Variants in ATXN7 observed in about 807,000 individuals in gnomAD.
The protein encoded by ATXN7 is ataxin 7.
Under a neutral mutation model 70.5 loss-of-function variants are expected in ATXN7, and 12 were observed. The ratio of observed to expected loss-of-function variants is 0.17; its 90% CI spans 0.11 to 0.28. The LOEUF is 0.28. ATXN7 is among the 10% of genes least tolerant of loss of function. ATXN7 has a pLI of 1.00. For synonymous variants in ATXN7, 498 were observed against 448.7 expected, an observed-to-expected ratio of 1.11 and a Z score of -1.39; for missense variants, 1,256 against 1,131.7, an observed-to-expected ratio of 1.11 and a Z score of -1.58.
Position 64,003,295 on chromosome 3 carries a change from T to C in ATXN7, c.*3828T>C, listed in dbSNP as rs1374835073. On this transcript the variant is annotated 3_prime_UTR_variant, in exon 13 of 13. Coordinates refer to ENST00000674280, the MANE Select transcript of ATXN7 (RefSeq NM_001377405.1). ...TGAATAGTTTGATAATTTGTACACA[T>C]AATCAAGAGCATCTCAGCTGGACTT... is the stretch of plus-strand genomic sequence containing the variant. The C allele has an allele frequency of 7.0e-6, 1 of 142,824 alleles. No homozygotes were observed. The highest frequency in any genetic ancestry group is 1.5e-5 in the Non-Finnish European group (1 of 66,034). 8.8% of individuals were successfully genotyped at this position (142,824 alleles called of 1,614,324 possible).
intron 1 of ATXN7, among the ~76,000 whole-genome samples, chr3:63,869,663 G>A (rs536051931): frequency 6.6e-6 from 1 of 152,308 alleles, no homozygotes; most frequent in East Asian, 1.9e-4. Flanking sequence ...GACCTCAGGT[G>A]ATCCACCTGC....
intron 4 of ATXN7, among the ~76,000 whole-genome samples, chr3:63,919,078 G>T (rs993601463): frequency 6.6e-6 from 1 of 152,116 alleles, no homozygotes; most frequent in African/African-American, 2.4e-5. Flanking sequence ...CAGTTGCAGC[G>T]TGTGGGCCAA....
At chr3:63,997,613 T>C (rs2075781548) in intron 12 of ATXN7, 7 of 1,549,632 alleles carry the variant, frequency 4.5e-6, no homozygotes, top group Non-Finnish European at 6.1e-6. Context: ...TGTTATTTTA[T>C]TCATCAGGAT....
At chr3:63,888,195 T>C (rs373278809) in intron 1 of ATXN7, among the ~76,000 whole-genome samples, 82 of 152,202 alleles carry the variant, frequency 5.4e-4, no homozygotes, top group African/African-American at 1.9e-4. Flanking sequence ...ATAATATGAA[T>C]TGAATAGATT....
intron 4 of ATXN7, among the ~76,000 whole-genome samples, chr3:63,913,748 C>T (rs145827730): frequency 4.5e-4 from 69 of 152,152 alleles, no homozygotes; most frequent in African/African-American, 1.5e-3. Context: ...GCCAATATCA[C>T]GGGGGAAAGA....
intron 6 of ATXN7, 169 bp downstream of exon 6, chr3:63,980,336 C>T: frequency 1.1e-6 from 1 of 910,438 alleles, no homozygotes; most frequent in East Asian, 2.6e-5. Context: ...TCATAGGAAA[C>T]TTTTCAGAGT....
intron 1 of ATXN7, among the ~76,000 whole-genome samples, chr3:63,877,491 A>G (rs1702781644): frequency 1.3e-5 from 2 of 152,246 alleles, no homozygotes; most frequent in Non-Finnish European, 2.9e-5. Flanking sequence ...ACTGCCCGCC[A>G]GGTGTTGCCT....
At chr3:63,990,481 G>A in intron 10 of ATXN7, 107 bp downstream of exon 10, 1 of 1,393,752 alleles carries the variant, frequency 7.2e-7, no homozygotes, top group East Asian at 2.4e-5. Flanking sequence ...GTGGGACGCG[G>A]TCAAGGTGTG....
At position 63,988,312 on chromosome 3, in the gene ATXN7, C is replaced by G. The variant is rs781172591; in HGVS notation, c.1349C>G (p.Pro450Arg). Reference protein sequence around the residue: ...FVASKPKPHTPSLPRPPGCPA... With the variant: ...FVASKPKPHTRSLPRPPGCPA... ...GCTAGTAAACCTAAACCTCACACCC[C>G]CAGTCTTCCAAGGTAAGCCAGGCCC... Residue 450 changes from proline (P) to arginine (R), a missense_variant, in exon 9 of 13, where the codon CCC (proline) becomes CGC (arginine). Transcript: ENST00000674280. 5 of 1,613,980 alleles carry G rather than the reference C, an allele frequency of 3.1e-6. No homozygotes were observed. The highest frequency in any genetic ancestry group is 4.2e-6 in the Non-Finnish European group (5 of 1,180,028).
At chr3:63,970,887 G>A (rs1335343445) in intron 5 of ATXN7, among the ~76,000 whole-genome samples, 1 of 152,128 alleles carries the variant, frequency 6.6e-6, no homozygotes, top group African/African-American at 2.4e-5. Context: ...TACTTTAGTG[G>A]GGCCTTTATT....
intron 4 of ATXN7, among the ~76,000 whole-genome samples, chr3:63,919,008 G>C (rs555797814): frequency 2.7e-5 from 4 of 150,388 alleles, no homozygotes; most frequent in African/African-American, 9.9e-5. Context: ...CTTCACTAAC[G>C]CGTAGGTGCA....
chr3:63,952,508 T>C (rs1313158594), intron 5 of ATXN7, 25 bp downstream of exon 5: 2 of 1,525,926 alleles, frequency 1.3e-6, no homozygotes, highest in Admixed American at 1.9e-5. Context: ...ATTTAAAAAA[T>C]TGTTAATAGA....
chr3:63,933,949 T>C (rs1408473752), intron 4 of ATXN7, among the ~76,000 whole-genome samples: 2 of 151,890 alleles, frequency 1.3e-5, no homozygotes, highest in Non-Finnish European at 2.9e-5. Context: ...GCCAGTATGG[T>C]TATTTATTTT....
In ATXN7 at chr3:63,999,548, C is replaced by G. The variant is rs760750156; in HGVS notation, c.*81C>G. 2.3e-5 allele frequency: 36 copies of G among 1,592,828 alleles called. No homozygotes were observed. The highest frequency in any genetic ancestry group is 1.7e-4 in the Middle Eastern group (1 of 6,060). On this transcript the variant is annotated 3_prime_UTR_variant, in exon 13 of 13. Transcript: ENST00000674280. ...CCTCCACTCAGCACTCTGGACTCCA[C>G]GATGCCTTTGAGTCTGTTTTCCCAA...
intron 1 of ATXN7, among the ~76,000 whole-genome samples, chr3:63,865,917 A>AAAAAAAAAG (rs1702408052): frequency 6.7e-6 from 1 of 150,036 alleles, no homozygotes; most frequent in African/African-American, 2.4e-5. Context: ...AAAAAAAAAA[A>AAAAAAAAAG]AAAAAAAAGA....
chr3:63,878,273 G>A (rs1233055425), intron 1 of ATXN7, among the ~76,000 whole-genome samples: 8 of 152,194 alleles, frequency 5.3e-5, no homozygotes, highest in Admixed American at 4.6e-4. Context: ...CCATCAGCCA[G>A]AGGAAACCCT....
At chr3:63,945,202 G>C (rs1328560546) in intron 4 of ATXN7, among the ~76,000 whole-genome samples, 1 of 152,200 alleles carries the variant, frequency 6.6e-6, no homozygotes, top group East Asian at 1.9e-4. Context: ...CACAGGTCCT[G>C]TTAACTGTAT....
chr3:63,965,960 T>C (rs141695266), intron 5 of ATXN7, among the ~76,000 whole-genome samples: 8 of 152,350 alleles, frequency 5.3e-5, no homozygotes, highest in African/African-American at 1.9e-4. Flanking sequence ...CTCTTGTTTA[T>C]TTGTGAACTT....
At chr3:63,962,908 C>CTTTTTT (rs71631179) in intron 5 of ATXN7, among the ~76,000 whole-genome samples, 32 of 136,314 alleles carry the variant, frequency 2.3e-4, no homozygotes, top group East Asian at 4.2e-4. Context: ...TTTTGTATTT[C>CTTTTTT]TTTTTTTTTT....
Sources: allele counts gnomAD v4.1 joint callset (sites outside exome capture counted in the v4.1 genomes callset), GRCh38; gene constraint gnomAD v4.1.1; transcripts MANE v1.5; gene names NCBI Gene and HGNC (gene_info 2026-07-23, HGNC 2026-07-21).